The following TBC1D30 variants were observed in gnomAD, a reference collection of about 807,000 sequenced individuals.
The protein encoded by TBC1D30 is TBC1 domain family, member 30.
Under a neutral mutation model 63.2 loss-of-function variants are expected in TBC1D30, and 31 were observed. The ratio of observed to expected loss-of-function variants is 0.49; its 90% confidence interval spans 0.37 to 0.66. The LOEUF is 0.66. TBC1D30 is among the 30% of genes least tolerant of loss of function. The pLI, the probability that TBC1D30 is intolerant of heterozygous loss-of-function variation, is 0.00. For missense variants in TBC1D30, 810 were observed against 953.6 expected (o/e 0.85, Z 1.98); for synonymous variants, 307 against 361.5 (o/e 0.85, Z 1.71).
chr12:64,835,620 G>A (rs17100715), intron 5 of TBC1D30, among the ~76,000 whole-genome samples: 4,600 of 152,246 alleles, frequency 0.03, 215 homozygotes, highest in African/African-American at 0.11. Flanking sequence ...GCACGTGGAT[G>A]CTCTTCAGAG....
rs972066942 is a variant in TBC1D30 at position 64,824,705 on chromosome 12, G to A, written c.-175G>A. On this transcript the variant is annotated 5_prime_UTR_variant, in exon 1 of 12. Coordinates refer to ENST00000539867, the MANE Select transcript of TBC1D30 (RefSeq NM_015279.2). ...GGCTTCCCTGCGCTCGGCGGCTCCC[G>A]CGGTGCCCCGTAAGTCCCCGTGACC... is the stretch of plus-strand genomic sequence containing the variant. 3.3e-5 allele frequency: 28 copies of A among 849,966 alleles called. No individual in the cohort carries two copies. In the East Asian group the frequency reaches 6.3e-4, roughly 19 times the overall value. The allele number at this position is 849,966 out of a possible 1,614,324, so 52.7% of individuals were successfully genotyped here.
chr12:64,864,978 C>T (rs959187699), intron 9 of TBC1D30, among the ~76,000 whole-genome samples, 198 bp downstream of exon 9: 1 of 151,668 alleles, frequency 6.6e-6, no homozygotes, highest in Admixed American at 6.6e-5. Context: ...AAATTTGGAA[C>T]GTAAACTGAA....
At chr12:64,844,152 A>G (rs1876150905) in intron 8 of TBC1D30, among the ~76,000 whole-genome samples, 1 of 152,210 alleles carries the variant, frequency 6.6e-6, no homozygotes, top group Non-Finnish European at 1.5e-5. Context: ...AGGATAAAAA[A>G]GATTATTCTC....
chr12:64,813,849 GCTGA>G (rs1380454327), intron 2 of TBC1D30, among the ~76,000 whole-genome samples: 1 of 152,152 alleles, frequency 6.6e-6, no homozygotes, highest in Non-Finnish European at 1.5e-5. Flanking sequence ...TAAAGTTCAT[GCTGA>G]CTGTCAAATG....
chr12:64,815,940 A>G (rs369451271), intron 2 of TBC1D30, among the ~76,000 whole-genome samples: 1 of 151,832 alleles, frequency 6.6e-6, no homozygotes, highest in Non-Finnish European at 1.5e-5. Context: ...TGCCTGGCCA[A>G]ATTTTTTTGG....
chr12:64,835,564 G>C (rs1875271804), intron 5 of TBC1D30, among the ~76,000 whole-genome samples: 1 of 152,150 alleles, frequency 6.6e-6, no homozygotes, highest in Non-Finnish European at 1.5e-5. Context: ...GAATGGGTCA[G>C]GTACATAGCA....
chr12:64,822,370 A>G (rs1873935597), upstream of TBC1D30, among the ~76,000 whole-genome samples: 1 of 152,154 alleles, frequency 6.6e-6, no homozygotes, highest in African/African-American at 2.4e-5. Context: ...TTGCAGAAAC[A>G]GGGTCTTGCT....
intron 11 of TBC1D30, 104 bp from the exon 12 acceptor site, chr12:64,874,897 G>A: frequency 9.3e-7 from 1 of 1,077,904 alleles, no homozygotes; most frequent in Non-Finnish European, 1.3e-6. Flanking sequence ...ACATGGGAAG[G>A]GATGTGGTAG....
intron 6 of TBC1D30, 92 bp from the exon 7 acceptor site, chr12:64,838,591 A>AT (rs1366766277): frequency 7.9e-7 from 1 of 1,264,002 alleles, no homozygotes; most frequent in Non-Finnish European, 1.1e-6. Context: ...AATACAACAA[A>AT]TTTGAGTGGA....
rs574890929 is a variant in TBC1D30 at position 64,848,510 on chromosome 12, T to A, written c.1038+5025T>A. 1.3e-3 allele frequency among the ~76,000 whole-genome samples: 198 copies of A among 152,180 alleles called. 1 individual carries two copies. The highest frequency in any genetic ancestry group is 0.01 in the Middle Eastern group (3 of 294). ...TCATTGTTCAGCTCCCACTTATAAG[T>A]GAGAACCTGTGGTGTTTGGTTTTCT... On this transcript the variant is annotated intron_variant, in intron 8 of 11. Coordinates refer to ENST00000539867, the MANE Select transcript of TBC1D30 (RefSeq NM_015279.2).
At chr12:64,798,769 C>T (rs1872424946) in intron 2 of TBC1D30, among the ~76,000 whole-genome samples, 1 of 151,012 alleles carries the variant, frequency 6.6e-6, no homozygotes, top group Admixed American at 6.6e-5. Context: ...ACAGACTGGG[C>T]CTCAGCATCT....
chr12:64,769,035 G>A (rs1212421133), intron 1 of TBC1D30, among the ~76,000 whole-genome samples: 1 of 151,982 alleles, frequency 6.6e-6, no homozygotes, highest in Non-Finnish European at 1.5e-5. Context: ...GTGTGCACCT[G>A]TAGTTCCAGC....
In TBC1D30 at chr12:64,786,147, A is replaced by G. The variant is rs1462637963; in HGVS notation, c.643+102A>G. 4.8e-6 allele frequency: 4 copies of G among 841,778 alleles called. No individual in the cohort carries two copies. In the African/African-American group the frequency reaches 7.1e-5, roughly 15 times the overall value. 52.1% of individuals were successfully genotyped at this position (841,778 alleles called of 1,614,324 possible). ...TTGTGAATATATTGAGAAGTTTTAA[A>G]TGCAAGCTTATACCCTCAGAACTAA... On this transcript the variant is annotated intron_variant, in intron 2 of 12. Transcript: ENST00000542120.
chr12:64,771,873 T>TAGTC (rs1214026936), intron 1 of TBC1D30, among the ~76,000 whole-genome samples: 1 of 152,160 alleles, frequency 6.6e-6, no homozygotes, highest in East Asian at 1.9e-4. Flanking sequence ...TGGCATTGGC[T>TAGTC]GACTGGTCAT....
rs534949423 is a variant in TBC1D30, at chr12:64,850,758, G to A, written c.1038+7273G>A. On this transcript the variant is annotated intron_variant, in intron 8 of 11. Coordinates refer to ENST00000539867, the MANE Select transcript of TBC1D30 (RefSeq NM_015279.2). ...TTCTTTTTTTGTTGTGTCTCTGCCA[G>A]GTTTTCATATGAGGATGATGCTGGT... 6.6e-5 allele frequency among the ~76,000 whole-genome samples: 10 copies of A among 152,256 alleles called. No homozygotes were observed. In the East Asian group the frequency reaches 1.7e-3, roughly 26 times the overall value.
chr12:64,866,701 TTA>T, intron 9 of TBC1D30, 61 bp from the exon 10 acceptor site: 1 of 1,459,308 alleles, frequency 6.9e-7, no homozygotes, highest in South Asian at 1.3e-5. Flanking sequence ...TGTAACTGTA[TTA>T]TGTTTTAAAA....
intron 2 of TBC1D30, among the ~76,000 whole-genome samples, chr12:64,789,585 T>C (rs1170846759): frequency 6.6e-6 from 1 of 152,308 alleles, no homozygotes. Context: ...TATAGTAATT[T>C]TGAAATAAGA....
chr12:64,856,685 T>C (rs1015011459), intron 8 of TBC1D30, among the ~76,000 whole-genome samples: 1 of 151,766 alleles, frequency 6.6e-6, no homozygotes, highest in Non-Finnish European at 1.5e-5. Flanking sequence ...GGGCAGTGAG[T>C]TCCCCCCAGG....
At chr12:64,868,648 G>T in intron 10 of TBC1D30, 1 of 322,156 alleles carries the variant, frequency 3.1e-6, no homozygotes, top group Non-Finnish European at 5.9e-6. Flanking sequence ...TTTTTCTTAA[G>T]GGCTTCTGGC....
Sources: gnomAD v4.1 joint callset for allele counts (sites outside exome capture counted in the v4.1 genomes callset) on GRCh38, gnomAD v4.1.1 for gene constraint, MANE v1.5 for transcripts, NCBI Gene and HGNC (gene_info 2026-07-23, HGNC 2026-07-21) for gene names.